Variants in ARHGAP32 observed in about 807,000 individuals in gnomAD.
ARHGAP32 encodes the protein Rho GTPase activating protein 32, also known as rho GTPase-activating protein 32.
A neutral mutation model predicts 186.5 loss-of-function variants in ARHGAP32; 51 were observed. The observed-to-expected ratio is 0.27, with a 90% CI of 0.22 to 0.35. The LOEUF is 0.35. Among genes scored for constraint, ARHGAP32 ranks in the 10% least tolerant of loss-of-function variants. The pLI, the probability that ARHGAP32 is intolerant of heterozygous loss-of-function variation, is 1.00. For synonymous variants in ARHGAP32, 950 were observed against 964.3 expected, an observed-to-expected ratio of 0.99 and a Z score of 0.27; for missense variants, 2,186 against 2,623.5, an observed-to-expected ratio of 0.83 and a Z score of 3.64.
chr11:129,164,319 C>T lies in ARHGAP32; in HGVS notation c.225G>A (p.Met75Ile). The change falls in exon 2 of 23, where the codon ATG (methionine) becomes ATA (isoleucine). Residue 75 changes from methionine to isoleucine, a missense_variant and splice_region_variant. Transcript: ENST00000682385. ...RPDWEETLSA[M>I]ARGADVPEIP... ...GAACAATTGTATAAAACTGATTTACCATTGCGCTAAGAGTTTCTTCCCAAT... is the reference window on the plus strand; with the variant it reads ...GAACAATTGTATAAAACTGATTTACTATTGCGCTAAGAGTTTCTTCCCAAT... 1 of 1,516,496 alleles carries T rather than the reference C, an allele frequency of 6.6e-7. No individual in the cohort carries two copies. Among genetic ancestry groups the T allele is most frequent in the Non-Finnish European group, 9.0e-7 (1 of 1,114,286 alleles). 93.9% of individuals were successfully genotyped at this position (1,516,496 alleles called of 1,614,324 possible). A position where few individuals can be genotyped will look rare whatever the true frequency, so the allele number is the denominator to read the frequency against.
chr11:129,036,781 T>C (rs960923322), intron 11 of ARHGAP32, among the ~76,000 whole-genome samples: 30 of 152,194 alleles, frequency 2.0e-4, no homozygotes, highest in Non-Finnish European at 1.3e-4. Flanking sequence ...GGTAAAAGAC[T>C]AGATGATTTC....
intron 22 of ARHGAP32, chr11:128,971,465 G>A: frequency 3.2e-6 from 1 of 310,012 alleles, no homozygotes; most frequent in Non-Finnish European, 6.0e-6. Flanking sequence ...GTTTAGTCAA[G>A]TAATGCTGTA....
chr11:129,243,273 T>C (rs553547163), intron 1 of ARHGAP32, among the ~76,000 whole-genome samples: 261 of 152,292 alleles, frequency 1.7e-3, no homozygotes, highest in African/African-American at 6.1e-3. Flanking sequence ...ACTCCATATA[T>C]AAGGTTTAGA....
chr11:129,105,377 A>G (rs910579297), intron 5 of ARHGAP32, among the ~76,000 whole-genome samples: 3 of 152,192 alleles, frequency 2.0e-5, no homozygotes, highest in Admixed American at 1.3e-4. Flanking sequence ...GTGTAACATG[A>G]AGGGAAGACG....
rs946457223 is a variant in ARHGAP32, at chr11:129,123,047, A to G, written c.444+399T>C. ...GTGAATGAAAAGGCAGTAACAGTAA[A>G]AACATTTCTGAAAAAGAAGAATAAA... On this transcript the variant is annotated intron_variant, in intron 5 of 22. Coordinates refer to ENST00000682385, the MANE Select transcript of ARHGAP32 (RefSeq NM_001378024.1). The surrounding 1 kb of genome is among the most constrained non-coding windows in gnomAD (Gnocchi z 4.6). Among the ~76,000 whole-genome samples, 1 of 152,130 alleles carries G rather than the reference A, an allele frequency of 6.6e-6. No homozygotes were observed. The highest frequency in any genetic ancestry group is 6.6e-5 in the Admixed American group (1 of 15,266).
chr11:128,968,871 C>T lies in ARHGAP32; in HGVS notation c.*36G>A, dbSNP rs1945276674. 1 of 1,412,592 alleles carries T rather than the reference C, an allele frequency of 7.1e-7. No individual in the cohort carries two copies. Among genetic ancestry groups the T allele is most frequent in the East Asian group, 2.4e-5 (1 of 40,948 alleles). The allele number at this position is 1,412,592 out of a possible 1,614,324, so 87.5% of individuals were successfully genotyped here. ...GAAAAAAATAGAACAGTCCACTGTC[C>T]AGCAGAGGCTGCTTCAACTCTATTG... On this transcript the variant is annotated 3_prime_UTR_variant, in exon 23 of 23. Transcript: ENST00000682385.
At chr11:129,245,250 C>A (rs1332019766) in intron 1 of ARHGAP32, among the ~76,000 whole-genome samples, 1 of 140,612 alleles carries the variant, frequency 7.1e-6, no homozygotes, top group East Asian at 2.0e-4. Flanking sequence ...ACATATACAC[C>A]ATGGAATACT....
chr11:129,124,981 C>T, intron 2 of ARHGAP32, 87 bp from the exon 3 acceptor site: 1 of 921,656 alleles, frequency 1.1e-6, no homozygotes, highest in Non-Finnish European at 1.6e-6. Context: ...GTTAATAGTT[C>T]TGCTGACTTT....
chr11:129,168,311 A>C (rs879821292), intron 1 of ARHGAP32, among the ~76,000 whole-genome samples: 5 of 152,206 alleles, frequency 3.3e-5, no homozygotes, highest in Non-Finnish European at 5.9e-5. Context: ...AAAAGGTAGA[A>C]AATGGAAGGA....
At chr11:129,178,635 G>A (rs927703310) in intron 1 of ARHGAP32, among the ~76,000 whole-genome samples, 6 of 151,908 alleles carry the variant, frequency 3.9e-5, no homozygotes, top group East Asian at 1.9e-4. Context: ...CAGAAATAAT[G>A]CCGCATATCT....
chr11:129,184,396 A>C (rs1010736258), intron 1 of ARHGAP32, among the ~76,000 whole-genome samples: 20 of 152,292 alleles, frequency 1.3e-4, no homozygotes, highest in African/African-American at 4.3e-4. Flanking sequence ...CAAAGCTCAA[A>C]AAGAAAGAAA....
intron 11 of ARHGAP32, among the ~76,000 whole-genome samples, chr11:128,999,282 C>T (rs926001457): frequency 2.0e-5 from 3 of 152,126 alleles, no homozygotes; most frequent in Non-Finnish European, 4.4e-5. Flanking sequence ...TGGTCTCCTG[C>T]GGTGCCCCCA....
rs1945246791 is a variant in ARHGAP32, at chr11:128,967,485, T to C, written c.*1422A>G. The C allele has an allele frequency of 6.6e-6, 1 of 152,168 alleles. No individual in the cohort carries two copies. The highest frequency in any genetic ancestry group is 6.5e-5 in the Admixed American group (1 of 15,276). The allele number at this position is 152,168 out of a possible 1,614,324, so 9.4% of individuals were successfully genotyped here. A position where few individuals can be genotyped will look rare whatever the true frequency, so the allele number is the denominator to read the frequency against. On this transcript the variant is annotated 3_prime_UTR_variant, in exon 23 of 23. Coordinates refer to ENST00000682385, the MANE Select transcript of ARHGAP32 (RefSeq NM_001378024.1). ...CTCGTTTTGTAAACATAGGACTGCC[T>C]TGCTAGTCTGATGTATTTTGGGGGG...
At chr11:129,158,835 A>T (rs1169637888) in intron 2 of ARHGAP32, among the ~76,000 whole-genome samples, 2 of 152,222 alleles carry the variant, frequency 1.3e-5, no homozygotes, top group Non-Finnish European at 2.9e-5. Context: ...CAGCAAATGC[A>T]AAAGAATGGA....
chr11:129,175,247 G>T (rs1287725043), intron 1 of ARHGAP32, among the ~76,000 whole-genome samples: 97 of 64,714 alleles, frequency 1.5e-3, no homozygotes, highest in African/African-American at 6.0e-3. Flanking sequence ...AGAGAAAAAA[G>T]AATAAAAAGA....
intron 11 of ARHGAP32, among the ~76,000 whole-genome samples, chr11:129,000,613 T>C (rs1196826733): frequency 6.6e-6 from 1 of 152,224 alleles, no homozygotes; most frequent in Admixed American, 6.5e-5. Flanking sequence ...ATCCTTTGTG[T>C]TGCAAAAAGT....
chr11:129,041,492 TAA>T lies in ARHGAP32; in HGVS notation c.964-485_964-484del, dbSNP rs5795655. Among the ~76,000 whole-genome samples, 757 of 130,320 alleles carry T rather than the reference TAA, an allele frequency of 5.8e-3. 2 individuals are homozygous for T. The highest frequency in any genetic ancestry group is 0.012 in the African/African-American group (403 of 33,640). The allele number at this position is 130,320 out of a possible 152,430, so 85.5% of individuals were successfully genotyped here. A position where few individuals can be genotyped will look rare whatever the true frequency, so the allele number is the denominator to read the frequency against. On this transcript the variant is annotated intron_variant, in intron 10 of 22. Transcript: ENST00000682385. ...TCTCTTCACTCTCTCCCAGGTTTCA[TAA>T]AAAAAAAAAAAAAAAGACATGACTA... is the stretch of plus-strand genomic sequence containing the variant.
intron 6 of ARHGAP32, among the ~76,000 whole-genome samples, chr11:129,085,812 T>C (rs928631112): frequency 5.9e-5 from 9 of 151,590 alleles, no homozygotes; most frequent in African/African-American, 2.2e-4. Flanking sequence ...GCTAACATGG[T>C]GAAACCCTGT....
chr11:129,070,531 C>T (rs1940835647), intron 6 of ARHGAP32, among the ~76,000 whole-genome samples: 1 of 150,916 alleles, frequency 6.6e-6, no homozygotes, highest in South Asian at 2.1e-4. Context: ...GATGACAGTA[C>T]AATAATTGAT....
Sources: allele counts gnomAD v4.1 joint callset (sites outside exome capture counted in the v4.1 genomes callset), GRCh38; gene constraint gnomAD v4.1.1; non-coding constraint Gnocchi (gnomAD v3.1); transcripts MANE v1.5; gene names NCBI Gene and HGNC (gene_info 2026-07-23, HGNC 2026-07-21).